IGDCC3: variants seen among roughly 807,000 people sequenced by gnomAD.
The protein encoded by IGDCC3 is putative neuronal cell adhesion molecule.
A neutral mutation model predicts 72.0 loss-of-function variants in IGDCC3; 47 were observed. The observed-to-expected ratio is 0.65, with a 90% CI of 0.52 to 0.83. The LOEUF (loss-of-function observed/expected upper bound fraction) is 0.83. IGDCC3 is among the 40% of genes least tolerant of loss of function. The probability of loss-of-function intolerance (pLI) is 0.00; values close to 1 mark genes in which losing one functional copy is unlikely to be tolerated. For synonymous variants in IGDCC3, 477 were observed against 472.8 expected, an observed-to-expected ratio of 1.01 and a Z score of -0.11; for missense variants, 1,038 against 1,091.3, an observed-to-expected ratio of 0.95 and a Z score of 0.69.
intron 2 of IGDCC3, among the ~76,000 whole-genome samples, chr15:65,344,632 G>T (rs2091111082): frequency 6.6e-6 from 1 of 152,214 alleles, no homozygotes; most frequent in Non-Finnish European, 1.5e-5. Context: ...CAAGGCCAAA[G>T]GCGTGGCTGC....
intron 2 of IGDCC3, among the ~76,000 whole-genome samples, chr15:65,350,973 TAAG>T (rs1053719200): frequency 6.6e-6 from 1 of 152,234 alleles, no homozygotes; most frequent in Non-Finnish European, 1.5e-5. Context: ...TGAAAGATTA[TAAG>T]AAGTCATGAG....
chr15:65,369,215 A>C (rs933044879), intron 2 of IGDCC3, among the ~76,000 whole-genome samples: 1 of 152,060 alleles, frequency 6.6e-6, no homozygotes, highest in Admixed American at 6.5e-5. Context: ...GACTTGGAGG[A>C]GGCCCAGGGG....
chr15:65,340,060 C>T (rs1290417536), intron 2 of IGDCC3, among the ~76,000 whole-genome samples: 2 of 152,136 alleles, frequency 1.3e-5, no homozygotes, highest in African/African-American at 4.8e-5. Context: ...TGCGACCAGG[C>T]TGAGGGGAGA....
Position 65,377,919 on chromosome 15 carries a change from T to C in IGDCC3, c.-131A>G, listed in dbSNP as rs1489878844. 3.6e-6 allele frequency: 3 copies of C among 843,862 alleles called. No individual in the cohort carries two copies. In the East Asian group the frequency reaches 3.3e-4, roughly 93 times the overall value. The allele number at this position is 843,862 out of a possible 1,614,324, so 52.3% of individuals were successfully genotyped here. A position where few individuals can be genotyped will look rare whatever the true frequency, so the allele number is the denominator to read the frequency against. Reference sequence around the variant, plus strand: ...GGGCCGAGCCCAGGCGGTGGGGGACTGGGGCCGCATGCCTGCTCAGCAGCG... The same window carrying C: ...GGGCCGAGCCCAGGCGGTGGGGGACCGGGGCCGCATGCCTGCTCAGCAGCG... On this transcript the variant is annotated 5_prime_UTR_variant, in exon 1 of 14. Coordinates refer to ENST00000327987, the MANE Select transcript of IGDCC3 (RefSeq NM_004884.4). The surrounding 1 kb of genome is among the most constrained non-coding windows in gnomAD (Gnocchi z 4.9).
chr15:65,334,814 T>C lies in IGDCC3; in HGVS notation c.737A>G (p.Asn246Ser). The C allele has an allele frequency of 1.9e-6, 3 of 1,612,782 alleles. No homozygotes were observed. Among genetic ancestry groups the C allele is most frequent in the Non-Finnish European group, 2.5e-6 (3 of 1,179,514 alleles). Residue 246 changes from asparagine (N) to serine (S), a missense_variant, in exon 5 of 14, where the codon AAC (asparagine) becomes AGC (serine). Physicochemically the swap from Asn to Ser is conservative, Grantham distance 46. Transcript: ENST00000327987. ...GGTCTGGTGCACTGTCAGGGTGAGG[T>C]TCTCAGGCCCCACGAGGATGGCTGG... ...KEPAILVGPE[N>S]LTLTVHQTAV... is the part of the protein sequence containing the mutation.
chr15:65,366,207 CAAAAA>C (rs35152855), intron 2 of IGDCC3, among the ~76,000 whole-genome samples: 1 of 76,780 alleles, frequency 1.3e-5, no homozygotes, highest in African/African-American at 4.7e-5. Flanking sequence ...GACATTGTCT[CAAAAA>C]AAAAAAAAAA....
chr15:65,368,176 A>T (rs1191832809), intron 2 of IGDCC3, among the ~76,000 whole-genome samples: 1 of 151,120 alleles, frequency 6.6e-6, no homozygotes, highest in Non-Finnish European at 1.5e-5. Flanking sequence ...ACACACACAC[A>T]CACACACACA....
Position 65,330,693 on chromosome 15 carries a change from A to G in IGDCC3, c.1610T>C (p.Leu537Ser), listed in dbSNP as rs764507731. 10 of 1,613,068 alleles carry G rather than the reference A, an allele frequency of 6.2e-6. No homozygotes were observed. Among genetic ancestry groups the G allele is most frequent in the Non-Finnish European group, 7.6e-6 (9 of 1,179,600 alleles). Residue 537 changes from leucine to serine, a missense_variant, in exon 10 of 14, where the codon TTG becomes TCG. Transcript: ENST00000327987. The stretch of plus-strand genomic sequence containing the variant: ...GGGCCAAGGCTCCCACAGCAGCTGC[A>G]AGGAGGAGCTGCCCAGGACTCGCAC... ...LSVRVLGSSSLQLLWEPWPRL... is the reference protein window; with the variant it reads ...LSVRVLGSSSSQLLWEPWPRL...
At chr15:65,365,163 T>C (rs2091282446) in intron 2 of IGDCC3, among the ~76,000 whole-genome samples, 1 of 152,082 alleles carries the variant, frequency 6.6e-6, no homozygotes, top group Non-Finnish European at 1.5e-5. Context: ...GCTCTAATCC[T>C]ACCAGGAGAC....
At chr15:65,371,844 C>G (rs2091327339) in intron 2 of IGDCC3, among the ~76,000 whole-genome samples, 1 of 152,206 alleles carries the variant, frequency 6.6e-6, no homozygotes, top group African/African-American at 2.4e-5. Context: ...CCTGGGTCAG[C>G]CCCTTTAGAG....
intron 2 of IGDCC3, among the ~76,000 whole-genome samples, chr15:65,343,911 G>T (rs1189797947): frequency 6.6e-6 from 1 of 152,228 alleles, no homozygotes; most frequent in Non-Finnish European, 1.5e-5. Context: ...TAGTGGTCTT[G>T]TCATCAGGGT....
At chr15:65,364,942 A>G (rs2091281504) in intron 2 of IGDCC3, among the ~76,000 whole-genome samples, 1 of 152,162 alleles carries the variant, frequency 6.6e-6, no homozygotes, top group African/African-American at 2.4e-5. Context: ...GGAGGACCAT[A>G]TAAGACTCCT....
At chr15:65,346,371 G>C (rs2091123928) in intron 2 of IGDCC3, among the ~76,000 whole-genome samples, 1 of 152,188 alleles carries the variant, frequency 6.6e-6, no homozygotes, top group Non-Finnish European at 1.5e-5. Flanking sequence ...ATAGAGGATT[G>C]ATTTATTTTC....
At position 65,329,360 on chromosome 15, in the gene IGDCC3, C is replaced by T. The variant is rs1267243026; in HGVS notation, c.2205+30G>A. The T allele has an allele frequency of 1.0e-5, 16 of 1,566,778 alleles. No homozygotes were observed. Among genetic ancestry groups the T allele is most frequent in the East Asian group, 2.2e-5 (1 of 44,496 alleles). On this transcript the variant is annotated intron_variant, in intron 13 of 13. Transcript: ENST00000327987. The surrounding 1 kb of genome is among the most constrained non-coding windows in gnomAD (Gnocchi z 4.1). ...AAGGTGGCAGTGTCAGAGCCTGAGG[C>T]GGGGGTTTGTTTAAGACATGGGCAC...
At chr15:65,365,141 G>GC (rs1313829245) in intron 2 of IGDCC3, among the ~76,000 whole-genome samples, 1 of 152,158 alleles carries the variant, frequency 6.6e-6, no homozygotes, top group Non-Finnish European at 1.5e-5. Context: ...GAGCACCAAG[G>GC]TTTTTCCCGA....
chr15:65,331,772 G>T, intron 7 of IGDCC3, 113 bp from the exon 8 acceptor site: 1 of 1,411,472 alleles, frequency 7.1e-7, no homozygotes. Flanking sequence ...ACTTGTGTGA[G>T]GTCTCCCAGC....
intron 4 of IGDCC3, 66 bp downstream of exon 4, chr15:65,335,225 T>C (rs1435768786): frequency 6.5e-7 from 1 of 1,532,884 alleles, no homozygotes; most frequent in African/African-American, 1.4e-5. Context: ...AGGGGGTTGA[T>C]CTAAGGGTAG....
chr15:65,330,798 A>C, intron 9 of IGDCC3, 57 bp from the exon 10 acceptor site: 1 of 1,221,188 alleles, frequency 8.2e-7, no homozygotes, highest in South Asian at 1.5e-5. Context: ...CTATCTTTCT[A>C]CCTTCCACCT....
chr15:65,329,100 G>T lies in IGDCC3; in HGVS notation c.2254C>A (p.Leu752Met). ...APCEETQLSV[L>M]PLQGCGLMEG... ...ATCAGGCCGCACCCCTGAAGTGGCA[G>T]CACGGAGAGCTGGGTCTCCTCACAC... is the stretch of plus-strand genomic sequence containing the variant. The change falls in exon 14 of 14, where the codon CTG becomes ATG. Residue 752 changes from leucine to methionine, a missense_variant. Coordinates refer to ENST00000327987, the MANE Select transcript of IGDCC3 (RefSeq NM_004884.4). The surrounding 1 kb of genome is among the most constrained non-coding windows in gnomAD (Gnocchi z 4.1). 2 of 1,610,756 alleles carry T rather than the reference G, an allele frequency of 1.2e-6. No individual in the cohort carries two copies. The highest frequency in any genetic ancestry group is 1.7e-6 in the Non-Finnish European group (2 of 1,178,906).
Sources: allele counts gnomAD v4.1 joint callset (sites outside exome capture counted in the v4.1 genomes callset), GRCh38; gene constraint gnomAD v4.1.1; non-coding constraint Gnocchi (gnomAD v3.1); transcripts MANE v1.5; gene names NCBI Gene and HGNC (gene_info 2026-07-23, HGNC 2026-07-21).